SDK2: variants seen among roughly 807,000 people sequenced by gnomAD.
SDK2 encodes the protein protein sidekick-2.
A neutral mutation model predicts 253.9 loss-of-function variants in SDK2; 105 were observed. That is an observed-to-expected ratio of 0.41 (90% CI 0.35 to 0.49). The LOEUF is 0.49. Ranked by LOEUF, SDK2 falls within the 20% of genes least tolerant of loss-of-function variation. The pLI, the probability that SDK2 is intolerant of heterozygous loss-of-function variation, is 0.06. For synonymous variants in SDK2, 1,249 were observed against 1,234.9 expected, an observed-to-expected ratio of 1.01 and a Z score of -0.24; for missense variants, 2,608 against 3,003.0, an observed-to-expected ratio of 0.87 and a Z score of 3.07.
At chr17:73,490,549 G>GTT (rs767658702) in intron 2 of SDK2, among the ~76,000 whole-genome samples, 8 of 136,834 alleles carry the variant, frequency 5.8e-5, no homozygotes, top group Admixed American at 7.3e-5. Flanking sequence ...TTTGAGATGG[G>GTT]TTTTTTTTTT....
At position 73,570,057 on chromosome 17, in the gene SDK2, C is replaced by G. The variant is rs2145865569; in HGVS notation, c.65-62460G>C. ...GCGCTCTAACTCTTTCAGGCTTCGG[C>G]TGGGGAAGGAAGAGAGTCAGGCGGC... On this transcript the variant is annotated intron_variant, in intron 1 of 44. Transcript: ENST00000392650. The surrounding 1 kb of genome is among the most constrained non-coding windows in gnomAD (Gnocchi z 4.2). Among the ~76,000 whole-genome samples the G allele has an allele frequency of 6.6e-6, 1 of 152,250 alleles. No homozygotes were observed. Among genetic ancestry groups the G allele is most frequent in the East Asian group, 1.9e-4 (1 of 5,166 alleles).
At chr17:73,353,828 C>T (rs1192060329) in intron 40 of SDK2, among the ~76,000 whole-genome samples, 6 of 151,206 alleles carry the variant, frequency 4.0e-5, no homozygotes, top group African/African-American at 7.3e-5. Flanking sequence ...CTCAGCCTCC[C>T]GGATAGCTGG....
At chr17:73,417,224 T>G (rs1445138072) in intron 16 of SDK2, among the ~76,000 whole-genome samples, 1 of 135,722 alleles carries the variant, frequency 7.4e-6, no homozygotes, top group Non-Finnish European at 1.6e-5. Flanking sequence ...GCCAAAAAGA[T>G]GAAATCTTGT....
chr17:73,527,333 G>A (rs1352426606), intron 1 of SDK2, among the ~76,000 whole-genome samples: 1 of 152,198 alleles, frequency 6.6e-6, no homozygotes, highest in African/African-American at 2.4e-5. Flanking sequence ...AAGGGGTGTG[G>A]ATGGTGTGCA....
intron 16 of SDK2, among the ~76,000 whole-genome samples, chr17:73,416,349 C>T (rs2063182519): frequency 6.6e-6 from 1 of 151,624 alleles, no homozygotes; most frequent in Non-Finnish European, 1.5e-5. Flanking sequence ...AGGCATGTGC[C>T]ACCACACTGG....
chr17:73,566,317 A>ATGTGTGTGTGTGTGTGTGTGTGTG (rs763921480), intron 1 of SDK2, among the ~76,000 whole-genome samples: 1 of 143,914 alleles, frequency 6.9e-6, no homozygotes, highest in Non-Finnish European at 1.5e-5. Flanking sequence ...TCTTATATAT[A>ATGTGTGTGTGTGTGTGTGTGTGTG]TATGTGTGTG....
chr17:73,454,271 A>G (rs2063507742), intron 4 of SDK2, among the ~76,000 whole-genome samples: 1 of 152,212 alleles, frequency 6.6e-6, no homozygotes, highest in Non-Finnish European at 1.5e-5. Flanking sequence ...ACGTTGAGAT[A>G]CTCCACAGGG....
At position 73,423,491 on chromosome 17, in the gene SDK2, C is replaced by A; in HGVS notation, c.1792G>T (p.Ala598Ser). The A allele has an allele frequency of 6.3e-7, 1 of 1,586,934 alleles. No individual in the cohort carries two copies. The highest frequency in any genetic ancestry group is 8.6e-7 in the Non-Finnish European group (1 of 1,163,842). Residue 598 changes from alanine (A) to serine (S), a missense_variant, in exon 14 of 45, where the codon GCC becomes TCC. Physicochemically the swap from Ala to Ser is moderately conservative, Grantham distance 99. This residue lies in a region of SDK2 where 1,505 missense variants were observed against 1,859.1 expected (regional missense o/e 0.81). Transcript: ENST00000392650. ...QLPHAPEHPV[A>S]TLSTVERRAI... is the part of the protein sequence containing the mutation. Reference sequence around the variant, plus strand: ...CGCCTTTCCACGGTGCTGAGAGTGGCCACTGGGTGCTCGGGCGCGTGGGGC... The same window carrying A: ...CGCCTTTCCACGGTGCTGAGAGTGGACACTGGGTGCTCGGGCGCGTGGGGC...
Position 73,435,670 on chromosome 17 carries a change from T to A in SDK2, c.1001-26A>T. On this transcript the variant is annotated intron_variant, in intron 8 of 44. Transcript: ENST00000392650. The surrounding 1 kb of genome is among the most constrained non-coding windows in gnomAD (Gnocchi z 5.7). ...CTGTGGGCAAGACGTGGGCCCACCG[T>A]CAACCTGCCTCCTGCCTCCTCTCCG... is the stretch of plus-strand genomic sequence containing the variant. 1 of 1,520,064 alleles carries A rather than the reference T, an allele frequency of 6.6e-7. No individual in the cohort carries two copies. The highest frequency in any genetic ancestry group is 8.9e-7 in the Non-Finnish European group (1 of 1,128,954). 94.2% of individuals were successfully genotyped at this position (1,520,064 alleles called of 1,614,324 possible).
At chr17:73,453,074 C>T (rs1022676920) in intron 4 of SDK2, among the ~76,000 whole-genome samples, 10 of 152,210 alleles carry the variant, frequency 6.6e-5, no homozygotes, top group South Asian at 2.1e-4. Flanking sequence ...CTCTTTGTCC[C>T]GTGACTTTGC....
In SDK2 at chr17:73,355,174, A is replaced by ATATTTTTT; in HGVS notation, c.5594-2538_5594-2537insAAAAAATA. Reference sequence around the variant, plus strand: ...CCTACACCTCCATATATATATATATATTTTTTTTTTTTTTTTTTTTTAGAC... The same window carrying ATATTTTTT: ...CCTACACCTCCATATATATATATATATATTTTTTTTTTTTTTTTTTTTTTTTTTTAGAC... On this transcript the variant is annotated intron_variant, in intron 40 of 44. Transcript: ENST00000392650. 1.5e-4 allele frequency among the ~76,000 whole-genome samples: 7 copies of ATATTTTTT among 47,226 alleles called. 1 individual carries two copies. The highest frequency in any genetic ancestry group is 2.0e-4 in the Non-Finnish European group (6 of 29,776). The allele number at this position is 47,226 out of a possible 152,430, so 31.0% of individuals were successfully genotyped here.
intron 1 of SDK2, among the ~76,000 whole-genome samples, chr17:73,641,927 G>A (rs972969551): frequency 6.6e-6 from 1 of 152,100 alleles, no homozygotes; most frequent in African/African-American, 2.4e-5. Context: ...TGCCTCCAGG[G>A]ACACACACAG....
chr17:73,406,154 A>G (rs775907830), intron 18 of SDK2, among the ~76,000 whole-genome samples: 6 of 152,110 alleles, frequency 3.9e-5, no homozygotes, highest in Non-Finnish European at 7.3e-5. Context: ...TGTTTAATAT[A>G]GATGCATTTT....
At chr17:73,562,387 C>A (rs2053156628) in intron 1 of SDK2, among the ~76,000 whole-genome samples, 1 of 152,178 alleles carries the variant, frequency 6.6e-6, no homozygotes, top group Non-Finnish European at 1.5e-5. Flanking sequence ...GGAGCACCCC[C>A]CTAAGATTTT....
At chr17:73,360,663 G>A (rs1331526849) in intron 39 of SDK2, among the ~76,000 whole-genome samples, 1 of 152,106 alleles carries the variant, frequency 6.6e-6, no homozygotes, top group East Asian at 1.9e-4. Context: ...TAAAGGAGGC[G>A]ATTGGGCACA....
intron 1 of SDK2, among the ~76,000 whole-genome samples, chr17:73,611,222 ACTCTCT>A: frequency 6.7e-6 from 1 of 150,096 alleles, no homozygotes; most frequent in Admixed American, 6.6e-5. Context: ...CTTTTATCCC[ACTCTCT>A]CTCTCTCTGC....
chr17:73,427,798 C>G (rs1330881296), intron 12 of SDK2, among the ~76,000 whole-genome samples: 3 of 152,022 alleles, frequency 2.0e-5, no homozygotes, highest in Non-Finnish European at 4.4e-5. Flanking sequence ...TTGGCAATGA[C>G]TTTTTAAATA....
chr17:73,418,346 T>G (rs2063201282), intron 16 of SDK2, among the ~76,000 whole-genome samples: 1 of 152,174 alleles, frequency 6.6e-6, no homozygotes, highest in Admixed American at 6.5e-5. Context: ...AAGCCTATCC[T>G]TAAAGTTTCT....
rs147629057 is a variant in SDK2 at position 73,501,610 on chromosome 17, G to C, written c.224+5828C>G. On this transcript the variant is annotated intron_variant, in intron 2 of 44. Coordinates refer to ENST00000392650, the MANE Select transcript of SDK2 (RefSeq NM_001144952.2). ...GGATAATGATTTGTCACCAACAAAG[G>C]GTTCTCACAGCTCTTGCCTAAGAGG... 5.6e-3 allele frequency among the ~76,000 whole-genome samples: 846 copies of C among 152,322 alleles called. 10 individuals carry two copies. The highest frequency in any genetic ancestry group is 0.019 in the African/African-American group (775 of 41,568).
Sources: allele counts gnomAD v4.1 joint callset (sites outside exome capture counted in the v4.1 genomes callset), GRCh38; gene constraint gnomAD v4.1.1; regional missense constraint gnomAD v4.1.1; non-coding constraint Gnocchi (gnomAD v3.1); transcripts MANE v1.5; gene names NCBI Gene and HGNC (gene_info 2026-07-23, HGNC 2026-07-21).